Variants in CDH23 observed in about 807,000 individuals in gnomAD.
The protein encoded by CDH23 is cadherin-23.
A neutral mutation model predicts 317.1 loss-of-function variants in CDH23; 189 were observed. The ratio of observed to expected loss-of-function variants is 0.60; its 90% confidence interval spans 0.53 to 0.67. The LOEUF is 0.67. CDH23 is among the 30% of genes least tolerant of loss of function. The pLI is 0.00. For missense variants in CDH23, 4,401 were observed against 4,592.4 expected (o/e 0.96, Z 1.20); for synonymous variants, 1,839 against 1,876.8 (o/e 0.98, Z 0.52).
intron 6 of CDH23, among the ~76,000 whole-genome samples, chr10:71,529,049 C>A (rs1042640581): frequency 6.6e-6 from 1 of 152,238 alleles, no homozygotes; most frequent in Non-Finnish European, 1.5e-5. Context: ...TTCTACTCCA[C>A]CTCTGCCACT....
Position 71,798,365 on chromosome 10 carries a change from G to A in CDH23, c.6841G>A (p.Val2281Ile), listed in dbSNP as rs2132965400. ...SVSVPNAKLT[V>I]NVLDVNDNTP... Reference sequence around the variant, plus strand: ...TGCCTCCACCACAGCCAAGCTGACTGTCAACGTCCTGGACGTCAATGACAA... The same window carrying A: ...TGCCTCCACCACAGCCAAGCTGACTATCAACGTCCTGGACGTCAATGACAA... Residue 2281 changes from valine (V) to isoleucine (I), a missense_variant, in exon 50 of 70, where the codon GTC becomes ATC. Coordinates refer to ENST00000224721, the MANE Select transcript of CDH23 (RefSeq NM_022124.6). 1 of 1,613,664 alleles carries A rather than the reference G, an allele frequency of 6.2e-7. No individual in the cohort carries two copies. Among genetic ancestry groups the A allele is most frequent in the South Asian group, 1.1e-5 (1 of 91,082 alleles).
chr10:71,704,997 C>T lies in CDH23; in HGVS notation c.2820C>T (p.Ile940=), dbSNP rs1865725890. 6.2e-7 allele frequency: 1 copy of T among 1,612,830 alleles called. No individual in the cohort carries two copies. The highest frequency in any genetic ancestry group is 8.5e-7 in the Non-Finnish European group (1 of 1,179,848). The change falls in exon 25 of 70, where the codon ATC becomes ATT. Residue 940 remains isoleucine, a synonymous_variant. Coordinates refer to ENST00000224721, the MANE Select transcript of CDH23 (RefSeq NM_022124.6). ...PVGMPRMDFL[I]NSSSGVVVTT... is the part of the protein sequence containing the mutation. ...GCATGCCCCGCATGGACTTCCTCAT[C>T]AACAGCAGCAGCGGCGTGGTGGTCA...
At chr10:71,655,509 C>G (rs1863379317) in intron 14 of CDH23, among the ~76,000 whole-genome samples, 1 of 152,158 alleles carries the variant, frequency 6.6e-6, no homozygotes, top group African/African-American at 2.4e-5. Context: ...TGGCATGTGT[C>G]ACCTCTCGAG....
Position 71,641,999 on chromosome 10 carries a change from G to A in CDH23, c.1135-1862G>A, listed in dbSNP as rs183923348. Reference sequence around the variant, plus strand: ...TAGTCCCAACTACTCGGGAGCCTGAGGTGTGAGAATCGCTTGAACCTGGGA... The same window carrying A: ...TAGTCCCAACTACTCGGGAGCCTGAAGTGTGAGAATCGCTTGAACCTGGGA... On this transcript the variant is annotated intron_variant, in intron 11 of 69. Transcript: ENST00000224721. Among the ~76,000 whole-genome samples, 80 of 152,278 alleles carry A rather than the reference G, an allele frequency of 5.3e-4. 1 individual carries two copies. The highest frequency in any genetic ancestry group is 3.4e-3 in the Middle Eastern group (1 of 294).
intron 6 of CDH23, among the ~76,000 whole-genome samples, chr10:71,550,593 AAG>A (rs1201669469): frequency 6.1e-4 from 93 of 151,542 alleles, no homozygotes; most frequent in African/African-American, 1.9e-3. Context: ...AAGAAAAAGA[AAG>A]AAAGAAAGAA....
rs765605428 is a variant in CDH23 at position 71,709,051 on chromosome 10, C to T, written c.3107-47C>T. On this transcript the variant is annotated intron_variant, in intron 26 of 69. Transcript: ENST00000224721. Reference sequence around the variant, plus strand: ...GAGCAGAGTCCCCGCTTCCCCTGGCCGGGAGCTCTGTTTCCCAGCCGGAAG... The same window carrying T: ...GAGCAGAGTCCCCGCTTCCCCTGGCTGGGAGCTCTGTTTCCCAGCCGGAAG... The T allele has an allele frequency of 1.8e-5, 28 of 1,560,756 alleles. No homozygotes were observed. In the Admixed American group the frequency reaches 2.5e-4, roughly 14 times the overall value.
chr10:71,452,597 G>C (rs1850502578), intron 3 of CDH23, among the ~76,000 whole-genome samples: 1 of 152,140 alleles, frequency 6.6e-6, no homozygotes, highest in South Asian at 2.1e-4. Context: ...AGCCTCCCCA[G>C]CCTGCCCTTC....
At chr10:71,767,761 G>A (rs888132189) in intron 38 of CDH23, among the ~76,000 whole-genome samples, 5 of 152,242 alleles carry the variant, frequency 3.3e-5, no homozygotes, top group African/African-American at 1.2e-4. Context: ...TCTCAGATGT[G>A]TTTATTGATA....
chr10:71,587,420 C>G (rs1859155050), intron 9 of CDH23, among the ~76,000 whole-genome samples: 1 of 152,212 alleles, frequency 6.6e-6, no homozygotes, highest in African/African-American at 2.4e-5. Context: ...ATGCTAGACC[C>G]TGGGGACCAA....
intron 48 of CDH23, 57 bp downstream of exon 48, chr10:71,793,697 C>G (rs951494730): frequency 2.0e-5 from 25 of 1,239,706 alleles, no homozygotes; most frequent in Non-Finnish European, 2.3e-5. Flanking sequence ...TGTCTCCTCG[C>G]TCCCTGCTTC....
chr10:71,815,239 C>T lies in CDH23; in HGVS notation c.10026C>T (p.Asp3342=), dbSNP rs377118941. Residue 3342 remains aspartate (D), a synonymous_variant, in exon 70 of 70, where the codon GAC becomes GAT. Transcript: ENST00000224721. The part of the protein sequence containing the change: ...AKSTPLHKLR[D]VIMETPLEIT... ...CCACACCCCTGCACAAACTTCGCGA[C>T]GTGATCATGGAGACCCCCCTGGAGA... 3.2e-4 allele frequency: 517 copies of T among 1,591,606 alleles called. 1 individual carries two copies. The African/African-American group carries it at 5.1e-3, about 16-fold the overall frequency.
chr10:71,668,170 C>CAG (rs1181733129), intron 14 of CDH23, among the ~76,000 whole-genome samples: 1 of 152,096 alleles, frequency 6.6e-6, no homozygotes, highest in Non-Finnish European at 1.5e-5. Context: ...CCACCACAGC[C>CAG]AGAGACCCCT....
chr10:71,807,158 A>T (rs1841756009), intron 57 of CDH23, 119 bp from the exon 58 acceptor site: 3 of 1,264,660 alleles, frequency 2.4e-6, no homozygotes, highest in Non-Finnish European at 3.3e-6. Context: ...TCACCCCATA[A>T]GGCCTGGACA....
intron 8 of CDH23, among the ~76,000 whole-genome samples, chr10:71,574,166 C>T (rs534897701): frequency 1.3e-5 from 2 of 152,228 alleles, no homozygotes; most frequent in East Asian, 3.9e-4. Flanking sequence ...CGGACCTTTC[C>T]CCACTCTCCC....
chr10:71,399,559 GT>G (rs532414849), intron 1 of CDH23, among the ~76,000 whole-genome samples: 109 of 152,274 alleles, frequency 7.2e-4, no homozygotes, highest in African/African-American at 2.6e-3. Flanking sequence ...GTGTTTTAGG[GT>G]TTTTTAAATA....
chr10:71,537,895 C>A (rs1238270245), intron 6 of CDH23, among the ~76,000 whole-genome samples: 1 of 152,202 alleles, frequency 6.6e-6, no homozygotes, highest in African/African-American at 2.4e-5. Context: ...CTGAAGCCGA[C>A]TCCTCCCACT....
chr10:71,797,687 C>T (rs1315973306), intron 49 of CDH23, among the ~76,000 whole-genome samples: 1 of 152,206 alleles, frequency 6.6e-6, no homozygotes, highest in African/African-American at 2.4e-5. Flanking sequence ...TTTGGGGGTG[C>T]AGGCACTTAC....
intron 1 of CDH23, among the ~76,000 whole-genome samples, chr10:71,412,141 TA>T (rs1389337835): frequency 6.6e-6 from 1 of 152,246 alleles, no homozygotes; most frequent in Non-Finnish European, 1.5e-5. Context: ...TGTATGAATT[TA>T]AGGCCTTTTA....
intron 48 of CDH23, chr10:71,796,839 A>C: frequency 2.8e-6 from 1 of 360,286 alleles, no homozygotes; most frequent in East Asian, 5.2e-5. Context: ...GTAATTATCT[A>C]GTTTTACAAA....
Sources: allele counts gnomAD v4.1 joint callset (sites outside exome capture counted in the v4.1 genomes callset), GRCh38; gene constraint gnomAD v4.1.1; transcripts MANE v1.5; gene names NCBI Gene and HGNC (gene_info 2026-07-23, HGNC 2026-07-21).